DECR1: variants seen among roughly 807,000 people sequenced by gnomAD.
DECR1 encodes the protein 2,4-dienoyl-CoA reductase 1, also known as 2,4-dienoyl-CoA reductase [(3E)-enoyl-CoA-producing], mitochondrial.
In DECR1, 44 loss-of-function variants were observed where a neutral mutation model predicts 38.8. The observed-to-expected ratio is 1.13, with a 90% CI of 0.89 to 1.46. The LOEUF is 1.46. Among genes scored for constraint, DECR1 ranks in the 40% most tolerant of loss-of-function variants. DECR1 has a pLI of 0.00. For missense variants in DECR1, 428 were observed against 405.5 expected, an observed-to-expected ratio of 1.06 and a Z score of -0.48; for synonymous variants, 148 against 135.2, an observed-to-expected ratio of 1.09 and a Z score of -0.66.
intron 1 of DECR1, chr8:90,005,953 A>G (rs936328462): frequency 1.7e-5 from 8 of 483,706 alleles, no homozygotes; most frequent in African/African-American, 1.6e-4. Context: ...AGAGGAAGTG[A>G]GAGGGTGTTG....
intron 5 of DECR1, among the ~76,000 whole-genome samples, chr8:90,023,100 C>T (rs1426315544): frequency 1.3e-5 from 2 of 152,100 alleles, no homozygotes; most frequent in African/African-American, 2.4e-5. Flanking sequence ...GGAACTGAAG[C>T]GTGACATTTT....
intron 1 of DECR1, among the ~76,000 whole-genome samples, chr8:90,010,038 C>T (rs1333596285): frequency 6.6e-6 from 1 of 152,194 alleles, no homozygotes; most frequent in Non-Finnish European, 1.5e-5. Context: ...TTCAGCTTAG[C>T]CATTGGAGCT....
At chr8:90,003,974 T>C (rs1425496656) in intron 1 of DECR1, among the ~76,000 whole-genome samples, 2 of 152,012 alleles carry the variant, frequency 1.3e-5, no homozygotes, top group African/African-American at 4.8e-5. Flanking sequence ...ATAGGATATA[T>C]CTAAATTCAT....
chr8:90,001,822 G>C (rs761698124), intron 1 of DECR1, among the ~76,000 whole-genome samples: 2 of 151,460 alleles, frequency 1.3e-5, no homozygotes, highest in Non-Finnish European at 2.9e-5. Context: ...GCGTTCTGGA[G>C]CGCTAAGAGA....
chr8:90,005,250 T>C (rs562763582), intron 1 of DECR1: 6 of 446,650 alleles, frequency 1.3e-5, no homozygotes, highest in Non-Finnish European at 2.2e-5. Flanking sequence ...ATGGTGGGCT[T>C]TTCTTATTTA....
chr8:90,016,120 T>C (rs547431827), intron 1 of DECR1, among the ~76,000 whole-genome samples: 1 of 152,280 alleles, frequency 6.6e-6, no homozygotes, highest in South Asian at 2.1e-4. Context: ...AATACAAATA[T>C]TTTTTACTCC....
At chr8:90,018,813 C>T (rs756844777) in intron 2 of DECR1, 96 bp from the exon 3 acceptor site, 13 of 981,262 alleles carry the variant, frequency 1.3e-5, no homozygotes. Context: ...TATACTTTCT[C>T]AGAAATGCTT....
At position 90,053,339 on chromosome 8, in the gene DECR1, C is replaced by T. The variant is rs922369024; in HGVS notation, c.*1442C>T. Among the ~76,000 whole-genome samples, 5 of 152,272 alleles carry T rather than the reference C, an allele frequency of 3.3e-5. No individual in the cohort carries two copies. The highest frequency in any genetic ancestry group is 3.4e-3 in the Middle Eastern group (1 of 294). On this transcript the variant is annotated 3_prime_UTR_variant, in exon 10 of 10. Coordinates refer to ENST00000220764, the MANE Select transcript of DECR1 (RefSeq NM_001359.2). ...GAGTGAGGAGCAAAGTCATGTCTTACGTGGTGGCACCCAAGAGAGCTTGTG... is the reference window on the plus strand; with the variant it reads ...GAGTGAGGAGCAAAGTCATGTCTTATGTGGTGGCACCCAAGAGAGCTTGTG...
rs187583263 is a variant in DECR1, at chr8:90,042,490, G to T, written c.666-238G>T. 5.6e-6 allele frequency: 3 copies of T among 534,026 alleles called. No homozygotes were observed. In the Admixed American group the frequency reaches 9.8e-5, roughly 17 times the overall value. The allele number at this position is 534,026 out of a possible 1,614,324, so 33.1% of individuals were successfully genotyped here. On this transcript the variant is annotated intron_variant, in intron 6 of 9. Transcript: ENST00000220764. ...TAGGTTGTACAGTAGAGTGACTAAGGGTACAGACTGAAGCTAGACCTCTTG... is the reference window on the plus strand; with the variant it reads ...TAGGTTGTACAGTAGAGTGACTAAGTGTACAGACTGAAGCTAGACCTCTTG...
chr8:90,045,129 A>G, intron 8 of DECR1, 134 bp downstream of exon 8: 1 of 699,340 alleles, frequency 1.4e-6, no homozygotes, highest in Non-Finnish European at 2.3e-6. Context: ...AAATAATATA[A>G]AATATTATAT....
chr8:90,034,513 A>G (rs1813571839), intron 5 of DECR1, among the ~76,000 whole-genome samples: 1 of 152,012 alleles, frequency 6.6e-6, no homozygotes, highest in Admixed American at 6.6e-5. Flanking sequence ...GTGCACTGGC[A>G]TCATCTCGGC....
intron 2 of DECR1, 141 bp downstream of exon 2, chr8:90,017,467 T>C: frequency 1.9e-6 from 1 of 520,480 alleles, no homozygotes; most frequent in Non-Finnish European, 3.2e-6. Flanking sequence ...TTTAGATTAT[T>C]TAAATACATC....
chr8:90,051,482 TG>T (rs1203781665), intron 8 of DECR1, among the ~76,000 whole-genome samples, 194 bp from the exon 9 acceptor site: 2 of 152,170 alleles, frequency 1.3e-5, no homozygotes, highest in Non-Finnish European at 1.5e-5. Flanking sequence ...TATTTGAAAT[TG>T]TGGAGATGTT....
chr8:90,008,401 A>G (rs1246923488), intron 1 of DECR1, among the ~76,000 whole-genome samples: 3 of 152,186 alleles, frequency 2.0e-5, no homozygotes, highest in Admixed American at 2.0e-4. Context: ...ATGTACACTT[A>G]ATGACTTCTG....
chr8:90,043,760 A>G (rs911537026), intron 7 of DECR1, among the ~76,000 whole-genome samples: 1 of 152,232 alleles, frequency 6.6e-6, no homozygotes, highest in Non-Finnish European at 1.5e-5. Context: ...ATTCAATACT[A>G]AACAGTCTAA....
At chr8:90,036,591 C>T (rs565056899) in intron 5 of DECR1, among the ~76,000 whole-genome samples, 3 of 152,228 alleles carry the variant, frequency 2.0e-5, no homozygotes, top group East Asian at 3.9e-4. Context: ...TTTGGGCTTT[C>T]GTATTGACTC....
At chr8:90,015,747 C>G in intron 1 of DECR1, 1 of 440,628 alleles carries the variant, frequency 2.3e-6, no homozygotes, top group Non-Finnish European at 4.6e-6. Context: ...CTGGTGTGAC[C>G]ATTAAGCTTA....
At chr8:90,008,630 C>G (rs1359197517) in intron 1 of DECR1, among the ~76,000 whole-genome samples, 1 of 152,058 alleles carries the variant, frequency 6.6e-6, no homozygotes, top group Non-Finnish European at 1.5e-5. Context: ...AGTCCAAGCT[C>G]ATGTTGTTGG....
chr8:90,040,059 A>G (rs1005755501), intron 6 of DECR1, among the ~76,000 whole-genome samples: 1 of 152,198 alleles, frequency 6.6e-6, no homozygotes, highest in African/African-American at 2.4e-5. Flanking sequence ...CATGCTAGCA[A>G]TTGAACAAAT....
Sources: allele counts gnomAD v4.1 joint callset (sites outside exome capture counted in the v4.1 genomes callset), GRCh38; gene constraint gnomAD v4.1.1; transcripts MANE v1.5; gene names NCBI Gene and HGNC (gene_info 2026-07-23, HGNC 2026-07-21).